Variants in ELAC2 observed in about 807,000 individuals in gnomAD.
The protein encoded by ELAC2 is elaC ribonuclease Z 2, also known as zinc phosphodiesterase ELAC protein 2.
In ELAC2, 92 loss-of-function variants were observed where a neutral mutation model predicts 105.2. The ratio of observed to expected loss-of-function variants is 0.87; its 90% CI spans 0.74 to 1.04. The LOEUF is 1.04. ELAC2 is among the 50% of genes least tolerant of loss of function. The probability of loss-of-function intolerance (pLI) is 0.00; values close to 1 mark genes in which losing one functional copy is unlikely to be tolerated. For synonymous variants in ELAC2, 468 were observed against 409.1 expected (o/e 1.14, Z -1.74); for missense variants, 1,099 against 1,071.7 (o/e 1.03, Z -0.36).
chr17:12,993,806 CCACGCTGATGGCTTGG>C lies in ELAC2; in HGVS notation c.2118_2133del (p.Gln707GlyfsTer4). The stretch of plus-strand genomic sequence containing the variant: ...ATGAACTCCGCGTTCATCCGCATCC[CCACGCTGATGGCTTGG>C]GACGTTGTGCTGCAGGTGAAGGACA... On this transcript the variant is annotated frameshift_variant, in exon 23 of 24. Coordinates refer to ENST00000338034, the MANE Select transcript of ELAC2 (RefSeq NM_018127.7). LOFTEE classifies it high-confidence loss of function. 1 of 1,614,196 alleles carries C rather than the reference CCACGCTGATGGCTTGG, an allele frequency of 6.2e-7. No homozygotes were observed. The highest frequency in any genetic ancestry group is 8.5e-7 in the Non-Finnish European group (1 of 1,180,042).
chr17:13,004,196 G>C (rs55883319), intron 11 of ELAC2: 41,722 of 156,776 alleles, frequency 0.27, 5,834 homozygotes, highest in Middle Eastern at 0.33. Flanking sequence ...ATTCATTGAA[G>C]AGGTTTTGCT....
chr17:13,000,118 C>A (rs767481385), intron 15 of ELAC2, 38 bp downstream of exon 15: 1 of 1,586,868 alleles, frequency 6.3e-7, no homozygotes, highest in South Asian at 1.1e-5. Context: ...AGGGGCAGAG[C>A]CCAGGAAAGA....
At chr17:13,013,117 C>T (rs973412974) in intron 6 of ELAC2, 90 bp downstream of exon 6, 7 of 1,447,038 alleles carry the variant, frequency 4.8e-6, no homozygotes, top group Non-Finnish European at 6.8e-6. Context: ...ACAGGGTGCC[C>T]ACAGCAAGTG....
At chr17:13,000,826 T>G (rs776352337) in intron 14 of ELAC2, 11 of 172,904 alleles carry the variant, frequency 6.4e-5, no homozygotes, top group Non-Finnish European at 1.0e-4. Context: ...AGGCGGCTCT[T>G]CAACCTCGCT....
chr17:13,008,590 A>G (rs976347705), intron 8 of ELAC2, among the ~76,000 whole-genome samples: 1 of 152,114 alleles, frequency 6.6e-6, no homozygotes, highest in African/African-American at 2.4e-5. Flanking sequence ...ACCCATGGAG[A>G]TATGTTCCTC....
intron 6 of ELAC2, 142 bp from the exon 7 acceptor site, chr17:13,011,924 T>C (rs988251708): frequency 7.4e-7 from 1 of 1,350,968 alleles, no homozygotes; most frequent in Admixed American, 2.0e-5. Flanking sequence ...ACTAGTTAGT[T>C]AACTTCCTAC....
intron 6 of ELAC2, among the ~76,000 whole-genome samples, chr17:13,012,500 G>A (rs187825602): frequency 2.6e-5 from 4 of 152,236 alleles, no homozygotes; most frequent in Non-Finnish European, 4.4e-5. Flanking sequence ...CCATTGCTCC[G>A]GCACATTCCT....
chr17:12,997,874 C>A (rs1220667442), intron 16 of ELAC2, among the ~76,000 whole-genome samples: 1 of 152,142 alleles, frequency 6.6e-6, no homozygotes, highest in Non-Finnish European at 1.5e-5. Flanking sequence ...CCAAGAGAAT[C>A]AACTAAAAAA....
At position 12,993,744 on chromosome 17, in the gene ELAC2, G is replaced by A; in HGVS notation, c.2196C>T (p.Val732=). ...LNHFSQRYAK[V]PLFSPNFSEK... ...CGCTGAAGTTGGGGCTGAAGAGGGGGACCTTGGCATAGCGCTGGCTGAAGT... is the reference window on the plus strand; with the variant it reads ...CGCTGAAGTTGGGGCTGAAGAGGGGAACCTTGGCATAGCGCTGGCTGAAGT... The change falls in exon 23 of 24, where the codon GTC becomes GTT. Residue 732 remains valine (V), a synonymous_variant. Coordinates refer to ENST00000338034, the MANE Select transcript of ELAC2 (RefSeq NM_018127.7). 1 of 1,614,198 alleles carries A rather than the reference G, an allele frequency of 6.2e-7. No individual in the cohort carries two copies. Among genetic ancestry groups the A allele is most frequent in the Non-Finnish European group, 8.5e-7 (1 of 1,180,034 alleles).
chr17:13,008,973 T>C (rs2041259618), intron 8 of ELAC2, among the ~76,000 whole-genome samples: 1 of 152,216 alleles, frequency 6.6e-6, no homozygotes, highest in African/African-American at 2.4e-5. Flanking sequence ...CTTGTCACTT[T>C]TCATCATGCT....
In ELAC2 at chr17:13,013,988, G is replaced by A. The variant is rs150472903; in HGVS notation, c.490+451C>T. ...CCTGGCCCCTATTTTTACAGCATGAGGTGGGAACACAGAAAATGTCACTAT... is the reference window on the plus strand; with the variant it reads ...CCTGGCCCCTATTTTTACAGCATGAAGTGGGAACACAGAAAATGTCACTAT... On this transcript the variant is annotated intron_variant, in intron 5 of 23. Coordinates refer to ENST00000338034, the MANE Select transcript of ELAC2 (RefSeq NM_018127.7). 5.1e-3 allele frequency among the ~76,000 whole-genome samples: 769 copies of A among 152,240 alleles called. 10 individuals carry two copies. The highest frequency in any genetic ancestry group is 0.017 in the African/African-American group (720 of 41,530).
chr17:12,992,645 A>G lies in ELAC2; in HGVS notation c.*173T>C, dbSNP rs2040241031. 1.4e-6 allele frequency: 1 copy of G among 717,930 alleles called. No individual in the cohort carries two copies. 44.5% of individuals were successfully genotyped at this position (717,930 alleles called of 1,614,324 possible). ...CAGGCACCAGTCCTAAGAGGCATCT[A>G]TAGACTAGTGCTTATGTGGGAGCCC... is the stretch of plus-strand genomic sequence containing the variant. On this transcript the variant is annotated 3_prime_UTR_variant, in exon 24 of 24. Coordinates refer to ENST00000338034, the MANE Select transcript of ELAC2 (RefSeq NM_018127.7).
chr17:13,015,692 GC>G (rs2041676046), intron 4 of ELAC2, 75 bp downstream of exon 4: 2 of 1,340,516 alleles, frequency 1.5e-6, no homozygotes, highest in Admixed American at 3.4e-5. Flanking sequence ...AGACTGATTT[GC>G]AAAAAGGAAA....
chr17:12,992,447 T>C lies in ELAC2; in HGVS notation c.*371A>G, dbSNP rs111653910. The C allele has an allele frequency of 2.5e-3, 1,047 of 418,112 alleles. 9 individuals are homozygous for C. The highest frequency in any genetic ancestry group is 0.018 in the African/African-American group (934 of 50,938). 25.9% of individuals were successfully genotyped at this position (418,112 alleles called of 1,614,324 possible). A position where few individuals can be genotyped will look rare whatever the true frequency, so the allele number is the denominator to read the frequency against. On this transcript the variant is annotated 3_prime_UTR_variant, in exon 24 of 24. Transcript: ENST00000338034. ...ACTATTTTCGTTAAGTCTCGGACAC[T>C]TAGACCCACTGATCCTGTTACTCTG... is the stretch of plus-strand genomic sequence containing the variant.
chr17:12,997,870 G>C (rs368634103), intron 16 of ELAC2, among the ~76,000 whole-genome samples: 102 of 152,232 alleles, frequency 6.7e-4, no homozygotes, highest in African/African-American at 2.3e-3. Context: ...AAACCCAAGA[G>C]AATCAACTAA....
At chr17:12,998,764 G>C (rs1598212033) in intron 15 of ELAC2, among the ~76,000 whole-genome samples, 1 of 152,250 alleles carries the variant, frequency 6.6e-6, no homozygotes, top group East Asian at 1.9e-4. Context: ...ACTTCTCAAG[G>C]GAATGGATTT....
At chr17:13,014,765 T>G (rs186123337) in intron 4 of ELAC2, among the ~76,000 whole-genome samples, 1 of 152,198 alleles carries the variant, frequency 6.6e-6, no homozygotes, top group African/African-American at 2.4e-5. Flanking sequence ...AGTGGCATTA[T>G]GCTAAGTGCT....
In ELAC2 at chr17:13,015,650, G is replaced by A. The variant is rs190700538; in HGVS notation, c.432+118C>T. 1.7e-3 allele frequency: 1,430 copies of A among 824,334 alleles called. 1 individual carries two copies. The highest frequency in any genetic ancestry group is 2.6e-3 in the Non-Finnish European group (1,226 of 478,684). 51.1% of individuals were successfully genotyped at this position (824,334 alleles called of 1,614,324 possible). A position where few individuals can be genotyped will look rare whatever the true frequency, so the allele number is the denominator to read the frequency against. ...GTCTTTTTAACTTGAAAGGGGAAGCGTTTCAACGACCAGGTATCTCTGGAG... is the reference window on the plus strand; with the variant it reads ...GTCTTTTTAACTTGAAAGGGGAAGCATTTCAACGACCAGGTATCTCTGGAG... On this transcript the variant is annotated intron_variant, in intron 4 of 23. Coordinates refer to ENST00000338034, the MANE Select transcript of ELAC2 (RefSeq NM_018127.7).
chr17:13,015,892 G>C, intron 3 of ELAC2, 60 bp from the exon 4 acceptor site: 1 of 1,290,660 alleles, frequency 7.7e-7, no homozygotes, highest in Non-Finnish European at 1.1e-6. Flanking sequence ...ACTAACAGGA[G>C]GAGCACCCCG....
Sources: gnomAD v4.1 joint callset for allele counts (sites outside exome capture counted in the v4.1 genomes callset) on GRCh38, gnomAD v4.1.1 for gene constraint, MANE v1.5 for transcripts, NCBI Gene and HGNC (gene_info 2026-07-23, HGNC 2026-07-21) for gene names.